SOX6: variants seen among roughly 807,000 people sequenced by gnomAD.
SOX6 encodes transcription factor SOX-6.
In SOX6, 11 loss-of-function variants were observed where a neutral mutation model predicts 97.8. That is an observed-to-expected ratio of 0.11 (90% CI 0.07 to 0.19). The LOEUF (loss-of-function observed/expected upper bound fraction) is 0.19. Ranked by LOEUF, SOX6 falls within the 10% of genes least tolerant of loss-of-function variation. SOX6 has a pLI of 1.00. For synonymous variants in SOX6, 360 were observed against 371.4 expected (o/e 0.97, Z 0.35); for missense variants, 810 against 1,039.5 (o/e 0.78, Z 3.04).
intron 3 of SOX6, among the ~76,000 whole-genome samples, chr11:16,693,743 A>G (rs1405929683): frequency 6.6e-6 from 1 of 152,190 alleles, no homozygotes; most frequent in Non-Finnish European, 1.5e-5. Context: ...GAACAAATGT[A>G]TTTGTAAACC....
intron 12 of SOX6, among the ~76,000 whole-genome samples, chr11:16,036,597 G>T (rs764830698): frequency 1.2e-4 from 19 of 152,174 alleles, no homozygotes; most frequent in African/African-American, 4.3e-4. Flanking sequence ...GAGATTTTTA[G>T]ACAGAGCACA....
intron 9 of SOX6, among the ~76,000 whole-genome samples, chr11:16,074,462 C>T (rs554385578): frequency 3.4e-4 from 51 of 152,186 alleles, no homozygotes; most frequent in African/African-American, 1.2e-3. Flanking sequence ...AGCCTACCGA[C>T]AAGAAAAATC....
At chr11:16,667,092 A>C (rs1020590735) in intron 3 of SOX6, among the ~76,000 whole-genome samples, 3 of 151,512 alleles carry the variant, frequency 2.0e-5, no homozygotes, top group Non-Finnish European at 4.4e-5. Context: ...AGCCAGGCAT[A>C]GTGGTGCACA....
chr11:16,420,140 T>C (rs1021825067), intron 1 of SOX6, among the ~76,000 whole-genome samples: 1 of 152,086 alleles, frequency 6.6e-6, no homozygotes, highest in African/African-American at 2.4e-5. Flanking sequence ...CAGTGAAAAA[T>C]TAAGCCATGC....
At chr11:16,723,443 A>G (rs1286516911) in intron 2 of SOX6, among the ~76,000 whole-genome samples, 1 of 152,044 alleles carries the variant, frequency 6.6e-6, no homozygotes. Context: ...GTGTTTACCT[A>G]TGTAACAAAC....
chr11:16,705,192 AG>A (rs1848122538), intron 3 of SOX6, among the ~76,000 whole-genome samples: 1 of 151,948 alleles, frequency 6.6e-6, no homozygotes, highest in Non-Finnish European at 1.5e-5. Flanking sequence ...CAGGAGGTGG[AG>A]GTTGCAATGA....
chr11:16,356,752 A>T (rs1857086675), upstream of SOX6, among the ~76,000 whole-genome samples: 1 of 152,170 alleles, frequency 6.6e-6, no homozygotes, highest in Admixed American at 6.6e-5. Context: ...GGCCAGGTCC[A>T]TTCTGTCATT....
At chr11:16,349,508 C>T (rs1856855532) in intron 1 of SOX6, among the ~76,000 whole-genome samples, 1 of 151,832 alleles carries the variant, frequency 6.6e-6, no homozygotes, top group Non-Finnish European at 1.5e-5. Flanking sequence ...CCCAGCTCTG[C>T]AGGAAGTTGA....
At chr11:16,556,838 G>GT (rs1290479023) in intron 4 of SOX6, among the ~76,000 whole-genome samples, 2 of 151,728 alleles carry the variant, frequency 1.3e-5, no homozygotes, top group African/African-American at 2.4e-5. Flanking sequence ...GACCAATAAC[G>GT]TAACGATTTA....
intron 3 of SOX6, among the ~76,000 whole-genome samples, chr11:16,645,382 G>A (rs532902024): frequency 3.9e-5 from 6 of 152,110 alleles, no homozygotes; most frequent in South Asian, 2.1e-4. Context: ...CACATATTTC[G>A]GGTTTTTATT....
intron 4 of SOX6, among the ~76,000 whole-genome samples, chr11:16,218,966 A>T (rs1318748913): frequency 2.0e-5 from 3 of 152,042 alleles, no homozygotes; most frequent in Admixed American, 6.6e-5. Flanking sequence ...CAAAAGCTGT[A>T]CCCCTCTTGC....
In SOX6 at chr11:16,613,633, A is replaced by G. The variant is rs1037578318; in HGVS notation, n.430-1373T>C. Among the ~76,000 whole-genome samples, 8 of 152,146 alleles carry G rather than the reference A, an allele frequency of 5.3e-5. No homozygotes were observed. In the South Asian group the frequency reaches 6.2e-4, roughly 12 times the overall value. On this transcript the variant is annotated intron_variant and non_coding_transcript_variant, in intron 3 of 5. Coordinates refer to the SOX6 transcript ENST00000524520. This position sits in a 1 kb window ranked among gnomAD's most constrained non-coding sequence, Gnocchi z 4.6. ...CGCGCGCGCGGACCCACGAGCACAC[A>G]CACACGCACGCACACACACAGACAC...
rs35122849 is a variant in SOX6, at chr11:16,365,285, C to CTGTGTGTGTG, written c.-4-24043_-4-24034dup. On this transcript the variant is annotated intron_variant, in intron 1 of 15. Coordinates refer to the SOX6 transcript ENST00000396356. ...TCCCCATCAGATAAACAGGGAAGTA[C>CTGTGTGTGTG]TGTGTGTGTGTGTGTGTGTGTTTGT... Among the ~76,000 whole-genome samples, 563 of 148,806 alleles carry CTGTGTGTGTG rather than the reference C, an allele frequency of 3.8e-3. 2 individuals are homozygous for CTGTGTGTGTG. The highest frequency in any genetic ancestry group is 4.8e-3 in the Admixed American group (71 of 14,778).
chr11:16,018,629 A>T lies in SOX6; in HGVS notation c.1624-3579T>A, dbSNP rs16932455. Among the ~76,000 whole-genome samples the T allele has an allele frequency of 0.074, 11,290 of 152,108 alleles. 858 individuals carry two copies. Among genetic ancestry groups the T allele is most frequent in the East Asian group, 0.35 (1,824 of 5,142 alleles). ...TTTATATACTATGTTTTATACACTT[A>T]TTGGCTATTCCATAATAATGTGTGT... On this transcript the variant is annotated intron_variant, in intron 12 of 15. Coordinates refer to ENST00000683767, the MANE Select transcript of SOX6 (RefSeq NM_001367873.1).
chr11:16,131,241 A>G (rs1849732647), intron 6 of SOX6, among the ~76,000 whole-genome samples: 1 of 151,962 alleles, frequency 6.6e-6, no homozygotes, highest in African/African-American at 2.4e-5. Flanking sequence ...ATTAAGAAAA[A>G]CTGGTACAAC....
At chr11:16,241,590 A>G (rs957021231) in intron 3 of SOX6, among the ~76,000 whole-genome samples, 11 of 151,912 alleles carry the variant, frequency 7.2e-5, no homozygotes, top group Admixed American at 2.6e-4. Context: ...TTTCTTTGGG[A>G]AAATATTTCT....
chr11:16,364,606 T>C (rs1191134307), intron 1 of SOX6, among the ~76,000 whole-genome samples: 1 of 152,156 alleles, frequency 6.6e-6, no homozygotes, highest in Non-Finnish European at 1.5e-5. Flanking sequence ...ATATTTACCC[T>C]GATTACCTCA....
Position 16,084,531 on chromosome 11 carries a change from C to T in SOX6, c.1101+11465G>A, listed in dbSNP as rs78685280. On this transcript the variant is annotated intron_variant, in intron 9 of 15. Coordinates refer to ENST00000683767, the MANE Select transcript of SOX6 (RefSeq NM_001367873.1). ...ATATTATCTCATTTAATCCTAACCC[C>T]AACCCTACTGAGGGGGTGTCATTAT... is the stretch of plus-strand genomic sequence containing the variant. Among the ~76,000 whole-genome samples the T allele has an allele frequency of 3.4e-3, 512 of 152,180 alleles. 2 individuals are homozygous for T. Among genetic ancestry groups the T allele is most frequent in the African/African-American group, 0.012 (479 of 41,550 alleles).
intron 1 of SOX6, among the ~76,000 whole-genome samples, chr11:16,439,739 C>A (rs986744463): frequency 3.9e-5 from 6 of 152,166 alleles, no homozygotes; most frequent in Admixed American, 3.3e-4. Flanking sequence ...TGAATTTTTA[C>A]AACTGAAATT....
Sources: gnomAD v4.1 joint callset for allele counts (sites outside exome capture counted in the v4.1 genomes callset) on GRCh38, gnomAD v4.1.1 for gene constraint, Gnocchi (gnomAD v3.1) non-coding constraint, MANE v1.5 for transcripts, NCBI Gene and HGNC (gene_info 2026-07-23, HGNC 2026-07-21) for gene names.